LAMA2: variants seen among roughly 807,000 people sequenced by gnomAD.
The protein encoded by LAMA2 is laminin subunit alpha 2.
A neutral mutation model predicts 364.8 loss-of-function variants in LAMA2; 269 were observed. The ratio of observed to expected loss-of-function variants is 0.74; its 90% CI spans 0.67 to 0.82. LAMA2 has a LOEUF of 0.82. Ranked by LOEUF, LAMA2 falls within the 40% of genes least tolerant of loss-of-function variation. LAMA2 has a pLI of 0.00. For missense variants in LAMA2, 3,807 were observed against 3,873.2 expected (o/e 0.98, Z 0.45); for synonymous variants, 1,379 against 1,370.6 (o/e 1.01, Z -0.14).
At chr6:129,228,296 G>A (rs544232955) in intron 12 of LAMA2, among the ~76,000 whole-genome samples, 116 of 152,112 alleles carry the variant, frequency 7.6e-4, no homozygotes, top group African/African-American at 2.6e-3. Context: ...GTGATGCCTC[G>A]CCCTGCTTTG....
At chr6:129,121,302 A>G (rs1776792437) in intron 4 of LAMA2, among the ~76,000 whole-genome samples, 1 of 152,222 alleles carries the variant, frequency 6.6e-6, no homozygotes, top group Non-Finnish European at 1.5e-5. Flanking sequence ...TAAGAAAGAT[A>G]TTTAAAAAAA....
At chr6:129,373,969 A>G (rs939675166) in intron 34 of LAMA2, among the ~76,000 whole-genome samples, 9 of 152,114 alleles carry the variant, frequency 5.9e-5, no homozygotes, top group African/African-American at 1.9e-4. Context: ...TTATCTGCCC[A>G]TTCTTCAGAT....
At chr6:129,153,891 A>G (rs1778955469) in intron 7 of LAMA2, among the ~76,000 whole-genome samples, 1 of 152,204 alleles carries the variant, frequency 6.6e-6, no homozygotes, top group Admixed American at 6.5e-5. Context: ...CAGTGCCATC[A>G]TTGAATAATT....
intron 28 of LAMA2, among the ~76,000 whole-genome samples, chr6:129,325,380 G>A (rs985150265): frequency 7.2e-5 from 11 of 152,034 alleles, no homozygotes; most frequent in African/African-American, 2.7e-4. Context: ...GACTCAAAAA[G>A]TAACTTTTTT....
chr6:128,959,955 C>G (rs952314256), intron 1 of LAMA2, among the ~76,000 whole-genome samples: 17 of 151,848 alleles, frequency 1.1e-4, no homozygotes, highest in African/African-American at 3.6e-4. Flanking sequence ...TAGATGTATG[C>G]CTAAACACCT....
intron 1 of LAMA2, among the ~76,000 whole-genome samples, chr6:129,036,879 G>C (rs1334221332): frequency 6.6e-6 from 1 of 152,084 alleles, no homozygotes; most frequent in Admixed American, 6.5e-5. Context: ...GGTTCAAATT[G>C]GGCTGATTTT....
intron 1 of LAMA2, among the ~76,000 whole-genome samples, chr6:128,932,047 A>T (rs1348220265): frequency 1.3e-5 from 2 of 152,220 alleles, no homozygotes; most frequent in Non-Finnish European, 2.9e-5. Context: ...ATAAAAGGAA[A>T]AAAACCTCTC....
Position 129,316,134 on chromosome 6 carries a change from A to T in LAMA2, c.4021A>T (p.Ile1341Phe), listed in dbSNP as rs1461526419. ...DILYDIHYILIKATYGNFMRQ... is the reference protein window; with the variant it reads ...DILYDIHYILFKATYGNFMRQ... ...ACTATATGATATTCATTACATTCTT[A>T]TCAAAGCTACTTATGGAAATTTCAT... Residue 1341 changes from isoleucine to phenylalanine, a missense_variant, in exon 27 of 65, where the codon ATC (isoleucine) becomes TTC (phenylalanine). Ile to Phe is a conservative substitution (Grantham distance 21, BLOSUM62 0). Coordinates refer to ENST00000421865, the MANE Select transcript of LAMA2 (RefSeq NM_000426.4). 15 of 1,608,974 alleles carry T rather than the reference A, an allele frequency of 9.3e-6. No individual in the cohort carries two copies. The highest frequency in any genetic ancestry group is 1.7e-5 in the Admixed American group (1 of 60,000).
At chr6:129,108,031 T>A (rs1026899107) in intron 4 of LAMA2, among the ~76,000 whole-genome samples, 1 of 152,242 alleles carries the variant, frequency 6.6e-6, no homozygotes, top group African/African-American at 2.4e-5. Context: ...GTTAAAAAAA[T>A]TCTTTACCTT....
chr6:129,231,992 T>C (rs530546663), intron 12 of LAMA2, among the ~76,000 whole-genome samples: 21 of 152,250 alleles, frequency 1.4e-4, no homozygotes, highest in African/African-American at 4.8e-4. Context: ...CAAATACCTT[T>C]CAAAAAGTAA....
chr6:129,222,211 A>G (rs1783901824), intron 12 of LAMA2, among the ~76,000 whole-genome samples: 1 of 152,156 alleles, frequency 6.6e-6, no homozygotes, highest in Admixed American at 6.5e-5. Context: ...AAAATAAAAT[A>G]GAGTCACGAT....
At chr6:128,983,473 T>G (rs1165759206) in intron 1 of LAMA2, among the ~76,000 whole-genome samples, 2 of 152,218 alleles carry the variant, frequency 1.3e-5, no homozygotes, top group Non-Finnish European at 2.9e-5. Flanking sequence ...CAACTCTGAA[T>G]TTCTAGTAAA....
chr6:129,207,572 T>C (rs572438710), intron 12 of LAMA2, among the ~76,000 whole-genome samples: 69 of 152,240 alleles, frequency 4.5e-4, no homozygotes, highest in Non-Finnish European at 8.1e-4. Context: ...ATCATACAAG[T>C]GTAAATAGTT....
At chr6:129,511,541 T>C (rs1786576228) in intron 62 of LAMA2, among the ~76,000 whole-genome samples, 1 of 152,140 alleles carries the variant, frequency 6.6e-6, no homozygotes. Flanking sequence ...ACAGCTACCA[T>C]CCTTCATTGC....
At chr6:129,284,730 TC>T (rs765147790) in intron 18 of LAMA2, among the ~76,000 whole-genome samples, 2 of 152,090 alleles carry the variant, frequency 1.3e-5, no homozygotes, top group Non-Finnish European at 2.9e-5. Flanking sequence ...TGTCTGCACG[TC>T]CGCTCTTTTT....
intron 43 of LAMA2, chr6:129,442,348 AT>A: frequency 2.5e-6 from 1 of 396,532 alleles, no homozygotes; most frequent in Non-Finnish European, 3.6e-6. Flanking sequence ...AGATAAAAAC[AT>A]TTTTTAAAAT....
At chr6:129,471,466 C>G (rs554581677) in intron 51 of LAMA2, among the ~76,000 whole-genome samples, 1 of 151,884 alleles carries the variant, frequency 6.6e-6, no homozygotes, top group Admixed American at 6.6e-5. Flanking sequence ...AAAACCACCT[C>G]CAGTCACTGG....
chr6:128,921,285 C>T (rs1021772412), intron 1 of LAMA2, among the ~76,000 whole-genome samples: 1 of 152,030 alleles, frequency 6.6e-6, no homozygotes, highest in Non-Finnish European at 1.5e-5. Flanking sequence ...GATTTACTTC[C>T]AGAAGATGAA....
chr6:128,896,379 T>C (rs556730516), intron 1 of LAMA2, among the ~76,000 whole-genome samples: 39 of 152,172 alleles, frequency 2.6e-4, no homozygotes, highest in African/African-American at 8.9e-4. Context: ...GTCCTGGTCC[T>C]GCTGAATAAC....
Sources: allele counts gnomAD v4.1 joint callset (sites outside exome capture counted in the v4.1 genomes callset), GRCh38; gene constraint gnomAD v4.1.1; transcripts MANE v1.5; gene names NCBI Gene and HGNC (gene_info 2026-07-23, HGNC 2026-07-21).